NEBL: variants seen among roughly 807,000 people sequenced by gnomAD.
NEBL encodes the protein LIM and SH3 protein 2.
NEBL carries 122 observed loss-of-function variants against 140.2 expected under a neutral mutation model. The observed-to-expected ratio is 0.87, with a 90% CI of 0.75 to 1.01. The LOEUF is 1.01. NEBL is among the 50% of genes least tolerant of loss of function. The probability of loss-of-function intolerance (pLI) is 0.00; values close to 1 mark genes in which losing one functional copy is unlikely to be tolerated. For missense variants in NEBL, 1,365 were observed against 1,231.3 expected, an observed-to-expected ratio of 1.11 and a Z score of -1.62; for synonymous variants, 436 against 398.9, an observed-to-expected ratio of 1.09 and a Z score of -1.11.
At chr10:21,164,768 A>G (rs2132162866) in intron 2 of NEBL, among the ~76,000 whole-genome samples, 1 of 152,350 alleles carries the variant, frequency 6.6e-6, no homozygotes, top group African/African-American at 2.4e-5. Context: ...CATTTTGTAT[A>G]TACACTGGAA....
chr10:21,095,147 G>C (rs1169779224), intron 2 of NEBL, among the ~76,000 whole-genome samples: 1 of 152,166 alleles, frequency 6.6e-6, no homozygotes, highest in African/African-American at 2.4e-5. Context: ...AGAATCTAGA[G>C]GTGGGGCCCA....
At chr10:20,801,630 T>A (rs1264530724) in intron 26 of NEBL, among the ~76,000 whole-genome samples, 1 of 152,108 alleles carries the variant, frequency 6.6e-6, no homozygotes, top group Non-Finnish European at 1.5e-5. Context: ...TATTTTTGTG[T>A]TCCCAGTATC....
intron 4 of NEBL, among the ~76,000 whole-genome samples, chr10:20,885,445 A>T (rs896796483): frequency 6.6e-6 from 1 of 152,240 alleles, no homozygotes; most frequent in Non-Finnish European, 1.5e-5. Context: ...TTGTGAGTAC[A>T]TATGCACCTT....
At chr10:21,156,289 T>G (rs924905056) in intron 2 of NEBL, among the ~76,000 whole-genome samples, 8 of 152,228 alleles carry the variant, frequency 5.3e-5, no homozygotes, top group African/African-American at 1.7e-4. Context: ...AGTACAAATG[T>G]GCTTTTGTAC....
chr10:20,848,172 C>T (rs1842130094), intron 11 of NEBL, among the ~76,000 whole-genome samples: 2 of 152,048 alleles, frequency 1.3e-5, no homozygotes, highest in Non-Finnish European at 2.9e-5. Context: ...AAAAGTGCTG[C>T]TGCAGAAAAA....
intron 2 of NEBL, among the ~76,000 whole-genome samples, chr10:21,155,792 C>A (rs1369220989): frequency 1.3e-5 from 2 of 152,192 alleles, no homozygotes; most frequent in Admixed American, 1.3e-4. Context: ...AAAGCACTAT[C>A]ACATGGTCAT....
chr10:20,978,860 A>G (rs11012442), intron 3 of NEBL, among the ~76,000 whole-genome samples: 13,284 of 152,160 alleles, frequency 0.087, 1,284 homozygotes, highest in East Asian at 0.38. Flanking sequence ...GTATGTCTCC[A>G]TATCTACCCC....
intron 3 of NEBL, among the ~76,000 whole-genome samples, chr10:21,186,955 T>C (rs532000616): frequency 6.6e-6 from 1 of 151,158 alleles, no homozygotes; most frequent in Non-Finnish European, 1.5e-5. Flanking sequence ...ATCTACAGAT[T>C]CAGAACCCAC....
chr10:21,200,308 CT>C (rs10671099), intron 3 of NEBL, among the ~76,000 whole-genome samples: 12 of 81,964 alleles, frequency 1.5e-4, no homozygotes, highest in Admixed American at 3.9e-4. Flanking sequence ...TTCCAAGGGA[CT>C]TTTTTTTTTT....
intron 4 of NEBL, among the ~76,000 whole-genome samples, chr10:20,949,280 A>C (rs1233823684): frequency 6.6e-6 from 1 of 152,058 alleles, no homozygotes; most frequent in East Asian, 1.9e-4. Context: ...GGAACATCAC[A>C]CACTAGGGCC....
intron 1 of NEBL, among the ~76,000 whole-genome samples, chr10:21,275,808 T>A (rs57450139): frequency 0.021 from 1,878 of 88,452 alleles, 34 homozygotes; most frequent in African/African-American, 0.11. Context: ...ACCCAGCTAA[T>A]TTTTTTTTTT....
intron 1 of NEBL, among the ~76,000 whole-genome samples, chr10:21,277,838 G>A (rs1842943613): frequency 6.6e-6 from 1 of 151,872 alleles, no homozygotes; most frequent in African/African-American, 2.4e-5. Context: ...TCTTTTTTAA[G>A]AGACAAGGTG....
At chr10:20,979,543 G>C (rs1292244866) in intron 3 of NEBL, among the ~76,000 whole-genome samples, 7 of 152,148 alleles carry the variant, frequency 4.6e-5, no homozygotes, top group African/African-American at 1.7e-4. Flanking sequence ...AAGAAAACAT[G>C]CCACATTATT....
intron 3 of NEBL, among the ~76,000 whole-genome samples, chr10:21,243,872 A>G (rs935485872): frequency 1.3e-5 from 2 of 151,550 alleles, no homozygotes; most frequent in Non-Finnish European, 2.9e-5. Flanking sequence ...TACACTTTTG[A>G]GCAAAAAAAG....
upstream of NEBL, chr10:21,174,842 G>A (rs1841261558): frequency 6.6e-6 from 1 of 152,240 alleles, no homozygotes; most frequent in Non-Finnish European, 1.5e-5. Context: ...TTTAATACCT[G>A]TCCTTGCAGA....
intron 2 of NEBL, among the ~76,000 whole-genome samples, chr10:21,034,232 A>G (rs1239249307): frequency 6.6e-6 from 1 of 151,816 alleles, no homozygotes; most frequent in African/African-American, 2.4e-5. Context: ...ATTCAGGTAT[A>G]TATTTTCCAT....
chr10:21,044,123 A>C (rs1834392596), intron 2 of NEBL, among the ~76,000 whole-genome samples: 1 of 152,164 alleles, frequency 6.6e-6, no homozygotes, highest in South Asian at 2.1e-4. Flanking sequence ...TAGGCAGGGC[A>C]CGATGGCTCA....
intron 7 of NEBL, among the ~76,000 whole-genome samples, chr10:20,860,561 C>CAAAAAAAAAAAAAA (rs879306514): frequency 3.2e-5 from 2 of 61,944 alleles, no homozygotes; most frequent in African/African-American, 6.6e-5. Flanking sequence ...AAGTTCACTA[C>CAAAAAAAAAAAAAA]AAAAAGAAAA....
chr10:21,198,847 T>A (rs1364782285), intron 3 of NEBL, among the ~76,000 whole-genome samples: 1 of 152,094 alleles, frequency 6.6e-6, no homozygotes, highest in East Asian at 1.9e-4. Context: ...AATCAGAAAG[T>A]GACCATTTTC....
Sources: allele counts gnomAD v4.1 joint callset (sites outside exome capture counted in the v4.1 genomes callset), GRCh38; gene constraint gnomAD v4.1.1; transcripts MANE v1.5; gene names NCBI Gene and HGNC (gene_info 2026-07-23, HGNC 2026-07-21).